Variants in DPYSL3 observed in about 807,000 individuals in gnomAD.
DPYSL3 encodes dihydropyrimidinase like 3.
Under a neutral mutation model 66.1 loss-of-function variants are expected in DPYSL3, and 16 were observed. The ratio of observed to expected loss-of-function variants is 0.24; its 90% CI spans 0.16 to 0.37. DPYSL3 has a LOEUF of 0.37. DPYSL3 is among the 10% of genes least tolerant of loss of function. The pLI, the probability that DPYSL3 is intolerant of heterozygous loss-of-function variation, is 1.00. For synonymous variants in DPYSL3, 338 were observed against 345.1 expected (o/e 0.98, Z 0.23); for missense variants, 738 against 916.2 (o/e 0.81, Z 2.51).
chr5:147,442,761 C>T (rs538306764), intron 1 of DPYSL3, among the ~76,000 whole-genome samples: 4 of 151,360 alleles, frequency 2.6e-5, no homozygotes, highest in Admixed American at 6.6e-5. Flanking sequence ...GGAAAGATGT[C>T]GTAATATATT....
chr5:147,393,820 T>G lies in DPYSL3; in HGVS notation c.*215A>C. ...ATGCATGTAAATGGGGGGAGGGGAG[T>G]CAAACAAATCAAGGCTATGCATAAA... On this transcript the variant is annotated 3_prime_UTR_variant, in exon 14 of 14. Coordinates refer to ENST00000343218, the MANE Select transcript of DPYSL3 (RefSeq NM_001197294.2). 1.4e-5 allele frequency: 8 copies of G among 554,838 alleles called. No individual in the cohort carries two copies. The highest frequency in any genetic ancestry group is 2.6e-5 in the Non-Finnish European group (8 of 311,906). The allele number at this position is 554,838 out of a possible 1,614,324, so 34.4% of individuals were successfully genotyped here.
chr5:147,461,811 A>C (rs1752936394), intron 1 of DPYSL3, among the ~76,000 whole-genome samples: 1 of 152,074 alleles, frequency 6.6e-6, no homozygotes, highest in Non-Finnish European at 1.5e-5. Context: ...ATTTTCACAG[A>C]CTACCATTTA....
chr5:147,426,255 G>A (rs1386530452), intron 1 of DPYSL3, among the ~76,000 whole-genome samples: 1 of 152,032 alleles, frequency 6.6e-6, no homozygotes, highest in Non-Finnish European at 1.5e-5. Context: ...AACTTCTCTA[G>A]GTAGAAGGAA....
intron 1 of DPYSL3, among the ~76,000 whole-genome samples, chr5:147,457,805 G>T (rs1752875206): frequency 6.6e-6 from 1 of 152,176 alleles, no homozygotes; most frequent in South Asian, 2.1e-4. Flanking sequence ...TTTATTGTTT[G>T]AGTGGAGGGC....
chr5:147,428,389 A>G (rs1752239642), intron 1 of DPYSL3, among the ~76,000 whole-genome samples: 1 of 152,054 alleles, frequency 6.6e-6, no homozygotes, highest in South Asian at 2.1e-4. Context: ...AACTCTTTCC[A>G]TGGAAGGGGG....
At chr5:147,401,432 GCAGA>G in intron 9 of DPYSL3, 104 bp downstream of exon 9, 1 of 1,287,458 alleles carries the variant, frequency 7.8e-7, no homozygotes, top group Non-Finnish European at 1.1e-6. Context: ...TGTTCACACT[GCAGA>G]CTCTGGTCAA....
At chr5:147,462,620 G>A (rs1327656703) in intron 1 of DPYSL3, among the ~76,000 whole-genome samples, 3 of 152,088 alleles carry the variant, frequency 2.0e-5, no homozygotes, top group African/African-American at 7.3e-5. Context: ...GTCTCTTCAG[G>A]TTTTAGAGAC....
chr5:147,483,602 T>G (rs1480487027), intron 1 of DPYSL3, among the ~76,000 whole-genome samples: 2 of 152,192 alleles, frequency 1.3e-5, no homozygotes, highest in African/African-American at 4.8e-5. Context: ...TAATGAGCAT[T>G]TACTATGAGT....
intron 1 of DPYSL3, among the ~76,000 whole-genome samples, chr5:147,433,304 G>T (rs531324769): frequency 6.6e-6 from 1 of 152,280 alleles, no homozygotes; most frequent in South Asian, 2.1e-4. Flanking sequence ...CCGAAGCTTG[G>T]GTGGATGGGG....
intron 3 of DPYSL3, among the ~76,000 whole-genome samples, chr5:147,417,615 G>T (rs1023335144): frequency 6.6e-6 from 1 of 152,126 alleles, no homozygotes; most frequent in Non-Finnish European, 1.5e-5. Context: ...CCAAGTTTGG[G>T]GCCAGCACTG....
chr5:147,437,661 T>C (rs1166541293), intron 1 of DPYSL3, among the ~76,000 whole-genome samples: 1 of 152,162 alleles, frequency 6.6e-6, no homozygotes, highest in African/African-American at 2.4e-5. Context: ...CTCTGCCTTG[T>C]AGTCCAGACC....
At chr5:147,422,378 T>C (rs943799821) in intron 2 of DPYSL3, among the ~76,000 whole-genome samples, 5 of 152,116 alleles carry the variant, frequency 3.3e-5, no homozygotes, top group African/African-American at 9.7e-5. Flanking sequence ...TTTGGAGAAA[T>C]AGGAATGCTT....
At chr5:147,412,768 C>A in intron 5 of DPYSL3, 80 bp from the exon 6 acceptor site, 2 of 1,241,454 alleles carry the variant, frequency 1.6e-6, no homozygotes, top group South Asian at 2.5e-5. Flanking sequence ...AGAGCCCAAG[C>A]TAAAACAGAT....
At chr5:147,416,172 T>C (rs1452821434) in intron 3 of DPYSL3, among the ~76,000 whole-genome samples, 1 of 152,048 alleles carries the variant, frequency 6.6e-6, no homozygotes, top group East Asian at 1.9e-4. Flanking sequence ...ATTTATAAGA[T>C]TAAATGGGAA....
intron 1 of DPYSL3, among the ~76,000 whole-genome samples, chr5:147,493,074 A>C (rs1459869064): frequency 6.6e-6 from 1 of 152,228 alleles, no homozygotes; most frequent in Non-Finnish European, 1.5e-5. Flanking sequence ...ACCTCGGAGC[A>C]AGCGAAGTTA....
chr5:147,460,646 A>G (rs1752917944), intron 1 of DPYSL3, among the ~76,000 whole-genome samples: 2 of 152,232 alleles, frequency 1.3e-5, no homozygotes, highest in Middle Eastern at 3.2e-3. Context: ...TCTAGACACC[A>G]GTATCTGTCT....
At chr5:147,418,788 C>G (rs1006144322) in intron 2 of DPYSL3, among the ~76,000 whole-genome samples, 157 bp from the exon 3 acceptor site, 21 of 152,248 alleles carry the variant, frequency 1.4e-4, no homozygotes, top group African/African-American at 4.6e-4. Context: ...AATCTATAAA[C>G]AAAGATAGAT....
intron 1 of DPYSL3, among the ~76,000 whole-genome samples, chr5:147,497,256 G>A (rs564113637): frequency 6.9e-6 from 1 of 145,102 alleles, no homozygotes; most frequent in African/African-American, 2.5e-5. Flanking sequence ...GTTGTGGGGT[G>A]GGGGGAGGGG....
At chr5:147,501,521 G>A (rs1474943051) in intron 1 of DPYSL3, among the ~76,000 whole-genome samples, 1 of 102,822 alleles carries the variant, frequency 9.7e-6, no homozygotes. Context: ...GTCTTGCTCT[G>A]TTGCCCAGGC....
Sources: gnomAD v4.1 joint callset for allele counts (sites outside exome capture counted in the v4.1 genomes callset) on GRCh38, gnomAD v4.1.1 for gene constraint, MANE v1.5 for transcripts, NCBI Gene and HGNC (gene_info 2026-07-23, HGNC 2026-07-21) for gene names.